Variants in EGF observed in about 807,000 individuals in gnomAD.
EGF encodes the protein epidermal growth factor.
In EGF, 95 loss-of-function variants were observed where a neutral mutation model predicts 143.8. The observed-to-expected ratio is 0.66, with a 90% CI of 0.56 to 0.78. The LOEUF (loss-of-function observed/expected upper bound fraction) is 0.78, where lower values mean the gene tolerates loss of function less well. Ranked by LOEUF, EGF falls within the 30% of genes least tolerant of loss-of-function variation. The pLI, the probability that EGF is intolerant of heterozygous loss-of-function variation, is 0.00. For synonymous variants in EGF, 510 were observed against 510.5 expected (o/e 1.00, Z 0.01); for missense variants, 1,320 against 1,470.9 (o/e 0.90, Z 1.68).
intron 18 of EGF, among the ~76,000 whole-genome samples, chr4:109,989,096 A>T (rs1191395905): frequency 2.6e-5 from 4 of 152,142 alleles, no homozygotes; most frequent in Admixed American, 1.3e-4. Context: ...AGAGCTGATG[A>T]CAGTTTGTTG....
chr4:109,959,878 G>C (rs1429895337), intron 6 of EGF, among the ~76,000 whole-genome samples: 4 of 152,142 alleles, frequency 2.6e-5, no homozygotes, highest in African/African-American at 9.7e-5. Context: ...ACTGAGCCAG[G>C]CTGGTTTGTC....
chr4:110,000,296 T>C (rs1198941071), intron 21 of EGF, among the ~76,000 whole-genome samples: 1 of 151,942 alleles, frequency 6.6e-6, no homozygotes, highest in Non-Finnish European at 1.5e-5. Context: ...CAATTTTTAC[T>C]GTTAGCTCAG....
At chr4:109,946,285 G>C (rs1437004156) in intron 5 of EGF, among the ~76,000 whole-genome samples, 1 of 152,108 alleles carries the variant, frequency 6.6e-6, no homozygotes, top group African/African-American at 2.4e-5. Context: ...TCCTTCAAAA[G>C]CTTTTCTTTG....
chr4:109,962,315 A>G (rs942668395), intron 8 of EGF, among the ~76,000 whole-genome samples: 1 of 152,224 alleles, frequency 6.6e-6, no homozygotes, highest in African/African-American at 2.4e-5. Flanking sequence ...CTGCAGAGAT[A>G]CTGATACTTG....
intron 1 of EGF, among the ~76,000 whole-genome samples, chr4:109,938,819 C>A (rs193036153): frequency 6.6e-6 from 1 of 152,266 alleles, no homozygotes; most frequent in African/African-American, 2.4e-5. Flanking sequence ...CCACTTTAGA[C>A]CTTGTTTGCC....
At chr4:110,005,130 C>T (rs1442796705) in intron 22 of EGF, among the ~76,000 whole-genome samples, 4 of 143,906 alleles carry the variant, frequency 2.8e-5, no homozygotes, top group East Asian at 2.3e-4. Context: ...ACTGCAGCCT[C>T]GAACTCCTGG....
At chr4:109,981,489 A>T (rs1417448110) in intron 15 of EGF, among the ~76,000 whole-genome samples, 2 of 152,214 alleles carry the variant, frequency 1.3e-5, no homozygotes, top group African/African-American at 4.8e-5. Context: ...GAGGAAGAGG[A>T]AGAGTAAACC....
intron 16 of EGF, among the ~76,000 whole-genome samples, chr4:109,987,015 G>A (rs1456180194): frequency 6.6e-6 from 1 of 152,076 alleles, no homozygotes; most frequent in Non-Finnish European, 1.5e-5. Flanking sequence ...TGCCATGTTG[G>A]TGCACAGATC....
intron 10 of EGF, among the ~76,000 whole-genome samples, chr4:109,966,587 A>T (rs149487784): frequency 6.6e-6 from 1 of 152,198 alleles, no homozygotes; most frequent in East Asian, 1.9e-4. Context: ...TTAAAAAGTC[A>T]TTCTATTTTT....
intron 13 of EGF, among the ~76,000 whole-genome samples, chr4:109,976,767 C>T (rs945038060): frequency 2.0e-5 from 3 of 152,116 alleles, no homozygotes; most frequent in African/African-American, 7.2e-5. Flanking sequence ...TATTTTGACT[C>T]CAGGAATGTA....
intron 20 of EGF, 84 bp downstream of exon 20, chr4:109,994,964 G>T: frequency 6.3e-7 from 1 of 1,577,280 alleles, no homozygotes; most frequent in Non-Finnish European, 8.7e-7. Flanking sequence ...TTACACTCAG[G>T]ATGTTTTTCT....
chr4:109,918,051 GA>G (rs1737010394), intron 1 of EGF, among the ~76,000 whole-genome samples: 2 of 152,246 alleles, frequency 1.3e-5, no homozygotes, highest in South Asian at 2.1e-4. Flanking sequence ...CTGTACACAT[GA>G]ACATGTGTAT....
rs57424246 is a variant in EGF at position 109,932,360 on chromosome 4, C to CATATAT, written c.128-8574_128-8569dup. 2.0e-4 allele frequency among the ~76,000 whole-genome samples: 17 copies of CATATAT among 87,048 alleles called. 2 individuals carry two copies. The highest frequency in any genetic ancestry group is 4.2e-4 in the East Asian group (1 of 2,406). The allele number at this position is 87,048 out of a possible 152,430, so 57.1% of individuals were successfully genotyped here. ...TTTACATGAAAACCTCCCATTTAGTCATATATATATATATATAAATTTTTT... is the reference window on the plus strand; with the variant it reads ...TTTACATGAAAACCTCCCATTTAGTCATATATATATATATATATATATAAATTTTTT... On this transcript the variant is annotated intron_variant, in intron 1 of 23. Transcript: ENST00000265171.
chr4:109,935,827 G>T (rs570749561), intron 1 of EGF, among the ~76,000 whole-genome samples: 1 of 152,284 alleles, frequency 6.6e-6, no homozygotes, highest in South Asian at 2.1e-4. Flanking sequence ...CGTTGGTTCT[G>T]TTTATGTGAT....
intron 1 of EGF, among the ~76,000 whole-genome samples, chr4:109,917,675 C>T (rs1161279337): frequency 6.6e-6 from 1 of 152,090 alleles, no homozygotes; most frequent in Non-Finnish European, 1.5e-5. Flanking sequence ...GGCTGGAGTA[C>T]AGTGGCATGA....
At chr4:109,942,977 A>G (rs11568896) in intron 2 of EGF, among the ~76,000 whole-genome samples, 211 of 152,328 alleles carry the variant, frequency 1.4e-3, no homozygotes, top group Non-Finnish European at 2.4e-3. Flanking sequence ...TCAATACATT[A>G]TGGTTGGCTT....
chr4:109,920,549 TA>T (rs1047362419), intron 1 of EGF, among the ~76,000 whole-genome samples: 4 of 151,652 alleles, frequency 2.6e-5, no homozygotes, highest in African/African-American at 9.8e-5. Flanking sequence ...CACGTTCTTT[TA>T]AAGGATTCCT....
At chr4:109,990,259 T>C (rs1578360985) in intron 18 of EGF, among the ~76,000 whole-genome samples, 2 of 152,254 alleles carry the variant, frequency 1.3e-5, no homozygotes, top group Admixed American at 6.5e-5. Context: ...TAGTCTTTGA[T>C]TGCAAGGAAA....
At chr4:109,936,636 G>A (rs542045071) in intron 1 of EGF, among the ~76,000 whole-genome samples, 1 of 152,218 alleles carries the variant, frequency 6.6e-6, no homozygotes, top group South Asian at 2.1e-4. Flanking sequence ...TTATGTTAAG[G>A]TGTCGATTTT....
Sources: allele counts gnomAD v4.1 joint callset (sites outside exome capture counted in the v4.1 genomes callset), GRCh38; gene constraint gnomAD v4.1.1; transcripts MANE v1.5; gene names NCBI Gene and HGNC (gene_info 2026-07-23, HGNC 2026-07-21).